Variants in TMEM167A observed in about 807,000 individuals in gnomAD.
TMEM167A encodes the protein protein kish-A.
Under a neutral mutation model 11.6 loss-of-function variants are expected in TMEM167A, and 8 were observed. The observed-to-expected ratio is 0.69, with a 90% CI of 0.40 to 1.24. The LOEUF (loss-of-function observed/expected upper bound fraction) is 1.24. Among genes scored for constraint, TMEM167A ranks in the 50% most tolerant of loss-of-function variants. The pLI is 0.01. For missense variants in TMEM167A, 62 were observed against 87.0 expected (o/e 0.71, Z 1.14); for synonymous variants, 22 against 28.0 (o/e 0.79, Z 0.67).
At chr5:83,063,807 A>C (rs956327310) in intron 2 of TMEM167A, among the ~76,000 whole-genome samples, 1 of 152,142 alleles carries the variant, frequency 6.6e-6, no homozygotes, top group African/African-American at 2.4e-5. Flanking sequence ...TGATAATGCT[A>C]TCAGGTCTAT....
In TMEM167A at chr5:83,056,721, G is replaced by T; in HGVS notation, c.*363C>A. On this transcript the variant is annotated 3_prime_UTR_variant, in exon 4 of 4. Coordinates refer to ENST00000502346, the MANE Select transcript of TMEM167A (RefSeq NM_174909.5). Reference sequence around the variant, plus strand: ...CCAAAAAAGGTTCTCATTCTATAAAGATTAAATCATTTCCAAATCACAGTG... The same window carrying T: ...CCAAAAAAGGTTCTCATTCTATAAATATTAAATCATTTCCAAATCACAGTG... 3.9e-6 allele frequency: 1 copy of T among 258,822 alleles called. No individual in the cohort carries two copies. The highest frequency in any genetic ancestry group is 7.4e-6 in the Non-Finnish European group (1 of 134,764). 16.0% of individuals were successfully genotyped at this position (258,822 alleles called of 1,614,324 possible).
chr5:83,076,559 T>C (rs916961272), intron 1 of TMEM167A, among the ~76,000 whole-genome samples: 1 of 152,256 alleles, frequency 6.6e-6, no homozygotes, highest in Admixed American at 6.5e-5. Context: ...CTATATGGGA[T>C]TCTGCAGCAA....
In TMEM167A at chr5:83,065,135, AAAG is replaced by A; in HGVS notation, c.4-21_4-19del. On this transcript the variant is annotated intron_variant, in intron 1 of 3. Coordinates refer to ENST00000502346, the MANE Select transcript of TMEM167A (RefSeq NM_174909.5). ...ATGGCAGACTAAAAAGAAAAAAAAA[AAAG>A]AAAAATTAATATCAAGAAAAACTGC... is the stretch of plus-strand genomic sequence containing the variant. The A allele has an allele frequency of 6.7e-7, 1 of 1,487,088 alleles. No homozygotes were observed. Among genetic ancestry groups the A allele is most frequent in the East Asian group, 2.3e-5 (1 of 44,064 alleles). The allele number at this position is 1,487,088 out of a possible 1,614,324, so 92.1% of individuals were successfully genotyped here. A position where few individuals can be genotyped will look rare whatever the true frequency, so the allele number is the denominator to read the frequency against.
chr5:83,061,072 A>G (rs1368614470), intron 3 of TMEM167A, among the ~76,000 whole-genome samples: 1 of 152,190 alleles, frequency 6.6e-6, no homozygotes, highest in African/African-American at 2.4e-5. Context: ...TTTAGCTAAG[A>G]TCAAGTGTAG....
At chr5:83,063,951 T>C (rs886914551) in intron 2 of TMEM167A, among the ~76,000 whole-genome samples, 1 of 152,004 alleles carries the variant, frequency 6.6e-6, no homozygotes, top group South Asian at 2.1e-4. Context: ...TGTCTAGATA[T>C]CTCCACCTAA....
chr5:83,067,870 T>C (rs772286565), intron 1 of TMEM167A, among the ~76,000 whole-genome samples: 11 of 152,184 alleles, frequency 7.2e-5, no homozygotes, highest in East Asian at 1.9e-4. Flanking sequence ...GACACTTTTA[T>C]GGTCTGAAAA....
At chr5:83,065,333 T>C (rs1441721413) in intron 1 of TMEM167A, among the ~76,000 whole-genome samples, 1 of 152,046 alleles carries the variant, frequency 6.6e-6, no homozygotes, top group Non-Finnish European at 1.5e-5. Flanking sequence ...AATTACTAGC[T>C]TTTCTAAGTC....
chr5:83,076,745 A>G lies in TMEM167A; in HGVS notation c.3+576T>C, dbSNP rs888262126. Among the ~76,000 whole-genome samples the G allele has an allele frequency of 2.6e-5, 4 of 152,384 alleles. No individual in the cohort carries two copies. In the South Asian group the frequency reaches 8.3e-4, roughly 32 times the overall value. Reference sequence around the variant, plus strand: ...AGGCCTGAGGCTAGACACCACTCCAATAAGTACATTAAGCTCCTAGAAGGG... The same window carrying G: ...AGGCCTGAGGCTAGACACCACTCCAGTAAGTACATTAAGCTCCTAGAAGGG... On this transcript the variant is annotated intron_variant, in intron 1 of 3. Coordinates refer to ENST00000502346, the MANE Select transcript of TMEM167A (RefSeq NM_174909.5).
At chr5:83,077,098 G>C (rs982836078) in intron 1 of TMEM167A, among the ~76,000 whole-genome samples, 1 of 152,174 alleles carries the variant, frequency 6.6e-6, no homozygotes, top group Non-Finnish European at 1.5e-5. Context: ...CCTAAACAAA[G>C]TAGGAAAGCG....
intron 1 of TMEM167A, among the ~76,000 whole-genome samples, chr5:83,076,846 G>T (rs2075685): frequency 0.48 from 72,965 of 152,044 alleles, 18,075 homozygotes; most frequent in African/African-American, 0.57. Context: ...GTTAAGAGAA[G>T]AAGGTGGAAG....
In TMEM167A at chr5:83,055,886, A is replaced by G. The variant is rs1422715250; in HGVS notation, c.*1198T>C. ...AGCTGCAAACAATCTAATTAATACT[A>G]TCTACAACAGGTAATTTTTAGCTAA... is the stretch of plus-strand genomic sequence containing the variant. On this transcript the variant is annotated 3_prime_UTR_variant, in exon 4 of 4. Coordinates refer to ENST00000502346, the MANE Select transcript of TMEM167A (RefSeq NM_174909.5). The G allele has an allele frequency of 1.3e-5, 2 of 152,014 alleles. No individual in the cohort carries two copies. Among genetic ancestry groups the G allele is most frequent in the Non-Finnish European group, 2.9e-5 (2 of 67,932 alleles). 9.4% of individuals were successfully genotyped at this position (152,014 alleles called of 1,614,324 possible). A position where few individuals can be genotyped will look rare whatever the true frequency, so the allele number is the denominator to read the frequency against.
intron 1 of TMEM167A, among the ~76,000 whole-genome samples, chr5:83,068,567 T>C (rs528570208): frequency 2.0e-5 from 3 of 152,004 alleles, no homozygotes; most frequent in East Asian, 3.9e-4. Context: ...AAAAGCTTCA[T>C]GTAGAAAGCA....
chr5:83,076,088 G>A (rs1744650909), intron 1 of TMEM167A, among the ~76,000 whole-genome samples: 1 of 152,094 alleles, frequency 6.6e-6, no homozygotes, highest in Non-Finnish European at 1.5e-5. Context: ...TGAAGATTTC[G>A]GGGACCTGGA....
chr5:83,065,537 C>T (rs532794586), intron 1 of TMEM167A, among the ~76,000 whole-genome samples: 12 of 152,100 alleles, frequency 7.9e-5, no homozygotes, highest in African/African-American at 2.9e-4. Context: ...AAAAGTTATT[C>T]ATTACAGGTT....
intron 1 of TMEM167A, among the ~76,000 whole-genome samples, chr5:83,069,747 A>C (rs535508915): frequency 1.3e-5 from 2 of 152,256 alleles, no homozygotes; most frequent in East Asian, 3.9e-4. Context: ...TGAGGTTTTC[A>C]TCAATCCCCT....
At chr5:83,059,733 G>C (rs1321560092) in intron 3 of TMEM167A, among the ~76,000 whole-genome samples, 4 of 151,952 alleles carry the variant, frequency 2.6e-5, no homozygotes, top group Non-Finnish European at 4.4e-5. Context: ...TGTAAATCTA[G>C]AGCAGCCCTT....
chr5:83,053,853 T>C lies in TMEM167A; in HGVS notation c.*3231A>G, dbSNP rs1174944319. The C allele has an allele frequency of 6.6e-6, 1 of 152,048 alleles. No individual in the cohort carries two copies. Among genetic ancestry groups the C allele is most frequent in the African/African-American group, 2.4e-5 (1 of 41,430 alleles). The allele number at this position is 152,048 out of a possible 1,614,324, so 9.4% of individuals were successfully genotyped here. A position where few individuals can be genotyped will look rare whatever the true frequency, so the allele number is the denominator to read the frequency against. On this transcript the variant is annotated 3_prime_UTR_variant, in exon 4 of 4. Coordinates refer to ENST00000502346, the MANE Select transcript of TMEM167A (RefSeq NM_174909.5). ...TAGAATCCTGGGATTATCTGAATAA[T>C]AAATGCCATCACATTGTACTTTTAA...
At chr5:83,074,040 C>T (rs1340098187) in intron 1 of TMEM167A, among the ~76,000 whole-genome samples, 1 of 152,224 alleles carries the variant, frequency 6.6e-6, no homozygotes, top group Non-Finnish European at 1.5e-5. Flanking sequence ...CTAAAATGCA[C>T]ACCTTTTATT....
rs1275522555 is a variant in TMEM167A, at chr5:83,053,799, C to A, written c.*3285G>T. On this transcript the variant is annotated 3_prime_UTR_variant, in exon 4 of 4. Coordinates refer to ENST00000502346, the MANE Select transcript of TMEM167A (RefSeq NM_174909.5). ...GCTCCTCTGGAAGTTCACACCCTAA[C>A]TGAACTGTCACTCTTCTTTATTTTC... The A allele has an allele frequency of 1.3e-5, 2 of 152,066 alleles. No homozygotes were observed. The highest frequency in any genetic ancestry group is 4.8e-5 in the African/African-American group (2 of 41,440). 9.4% of individuals were successfully genotyped at this position (152,066 alleles called of 1,614,324 possible). A position where few individuals can be genotyped will look rare whatever the true frequency, so the allele number is the denominator to read the frequency against.
Sources: allele counts gnomAD v4.1 joint callset (sites outside exome capture counted in the v4.1 genomes callset), GRCh38; gene constraint gnomAD v4.1.1; transcripts MANE v1.5; gene names NCBI Gene and HGNC (gene_info 2026-07-23, HGNC 2026-07-21).